The following CDYL2 variants were observed in gnomAD, a reference collection of about 807,000 sequenced individuals.
CDYL2 encodes the protein chromodomain Y-like protein 2.
CDYL2 carries 23 observed loss-of-function variants against 49.4 expected under a neutral mutation model. That is an observed-to-expected ratio of 0.47 (90% confidence interval 0.34 to 0.66). The LOEUF (loss-of-function observed/expected upper bound fraction) is 0.66. Among genes scored for constraint, CDYL2 ranks in the 30% least tolerant of loss-of-function variants. The pLI is 0.01. For synonymous variants in CDYL2, 360 were observed against 268.8 expected, an observed-to-expected ratio of 1.34 and a Z score of -3.32; for missense variants, 678 against 656.4, an observed-to-expected ratio of 1.03 and a Z score of -0.36.
At chr16:80,610,102 T>A (rs1906527200) in intron 5 of CDYL2, among the ~76,000 whole-genome samples, 1 of 152,144 alleles carries the variant, frequency 6.6e-6, no homozygotes, top group Non-Finnish European at 1.5e-5. Context: ...GTGATGTTAT[T>A]TTCAAAACAG....
chr16:80,706,312 G>A (rs1408203500), intron 1 of CDYL2, among the ~76,000 whole-genome samples: 2 of 152,152 alleles, frequency 1.3e-5, no homozygotes, highest in Non-Finnish European at 2.9e-5. Context: ...AAGAATGTGA[G>A]CTCAAAAACA....
At position 80,724,150 on chromosome 16, in the gene CDYL2, GAA is replaced by G. The variant is rs1298155068; in HGVS notation, c.25-39023_25-39022del. ...AAGAAAGAGGAGATAAAAAAGAAGA[GAA>G]AGAAGAAGAGGAGGAGGAGACAAAG... On this transcript the variant is annotated intron_variant, in intron 1 of 6. Transcript: ENST00000570137. 2.0e-5 allele frequency among the ~76,000 whole-genome samples: 3 copies of G among 149,678 alleles called. No homozygotes were observed. In the Admixed American group the frequency reaches 2.0e-4, roughly 10 times the overall value.
intron 1 of CDYL2, among the ~76,000 whole-genome samples, chr16:80,770,267 T>C (rs1906862367): frequency 6.6e-6 from 1 of 152,338 alleles, no homozygotes; most frequent in African/African-American, 2.4e-5. Flanking sequence ...TACCAAGTTA[T>C]GTTAATGAAA....
chr16:80,684,903 G>A lies in CDYL2; in HGVS notation c.251C>T (p.Pro84Leu), dbSNP rs376407812. ...TCTGTGGGACAGTTTCTCAACCGACGGGCCTCGACTGTCACGCAGCAGCTT... is the reference window on the plus strand; with the variant it reads ...TCTGTGGGACAGTTTCTCAACCGACAGGCCTCGACTGTCACGCAGCAGCTT... ...TSKLLRDSRG[P>L]SVEKLSHRPS... Residue 84 changes from proline to leucine, a missense_variant, in exon 2 of 7, where the codon CCG becomes CTG. This residue lies in a region of CDYL2 where 478 missense variants were observed against 427.0 expected (regional missense o/e 1.12). Transcript: ENST00000570137. The A allele has an allele frequency of 9.3e-6, 15 of 1,614,074 alleles. No individual in the cohort carries two copies. The highest frequency in any genetic ancestry group is 1.7e-5 in the Admixed American group (1 of 59,998).
At chr16:80,781,780 G>A (rs1238909564) in intron 1 of CDYL2, among the ~76,000 whole-genome samples, 1 of 151,912 alleles carries the variant, frequency 6.6e-6, no homozygotes, top group Non-Finnish European at 1.5e-5. Flanking sequence ...AAAATAAATG[G>A]CACTGTATTA....
chr16:80,798,682 T>C (rs1907838276), intron 1 of CDYL2, among the ~76,000 whole-genome samples: 1 of 152,124 alleles, frequency 6.6e-6, no homozygotes, highest in African/African-American at 2.4e-5. Flanking sequence ...TTCTGGGAAG[T>C]CAAAAGTTAT....
rs937172306 is a variant in CDYL2, at chr16:80,600,887, T to G, written c.*3501A>C. 3.3e-5 allele frequency: 5 copies of G among 152,222 alleles called. No homozygotes were observed. Among genetic ancestry groups the G allele is most frequent in the African/African-American group, 1.2e-4 (5 of 41,458 alleles). The allele number at this position is 152,222 out of a possible 1,614,324, so 9.4% of individuals were successfully genotyped here. A position where few individuals can be genotyped will look rare whatever the true frequency, so the allele number is the denominator to read the frequency against. ...AAATGTGGATATTCAGAGATACAGT[T>G]GCATTGTTCAAAGTCTACTGTGATT... On this transcript the variant is annotated 3_prime_UTR_variant, in exon 7 of 7. Transcript: ENST00000570137.
intron 1 of CDYL2, among the ~76,000 whole-genome samples, chr16:80,713,392 A>AT (rs1455606575): frequency 6.6e-6 from 1 of 152,186 alleles, no homozygotes; most frequent in Non-Finnish European, 1.5e-5. Flanking sequence ...GACTGGTAGC[A>AT]TTTTTTAGTT....
chr16:80,716,208 G>T (rs904774938), intron 1 of CDYL2, among the ~76,000 whole-genome samples: 5 of 152,200 alleles, frequency 3.3e-5, no homozygotes, highest in Non-Finnish European at 5.9e-5. Flanking sequence ...CCTCCTCTGT[G>T]GCTCCCCACA....
chr16:80,660,664 T>C (rs949974829), intron 2 of CDYL2, among the ~76,000 whole-genome samples: 1 of 152,154 alleles, frequency 6.6e-6, no homozygotes, highest in Non-Finnish European at 1.5e-5. Flanking sequence ...ATTAAACTCA[T>C]ATTAAAAGAC....
chr16:80,795,175 G>A (rs1428616346), intron 1 of CDYL2, among the ~76,000 whole-genome samples: 2 of 152,188 alleles, frequency 1.3e-5, no homozygotes, highest in African/African-American at 2.4e-5. Flanking sequence ...TTTGAGGGGA[G>A]GGCAGTGGCC....
chr16:80,700,933 G>A (rs530224904), intron 1 of CDYL2, among the ~76,000 whole-genome samples: 11 of 152,280 alleles, frequency 7.2e-5, no homozygotes, highest in African/African-American at 1.9e-4. Flanking sequence ...TTGTAACGCC[G>A]TGCAGCTAAG....
intron 2 of CDYL2, among the ~76,000 whole-genome samples, chr16:80,678,978 T>C (rs1165799904): frequency 1.3e-5 from 2 of 150,658 alleles, no homozygotes; most frequent in African/African-American, 4.9e-5. Flanking sequence ...TGGATGAAAC[T>C]GGAAATCATC....
At position 80,734,254 on chromosome 16, in the gene CDYL2, G is replaced by A. The variant is rs543176017; in HGVS notation, c.25-49125C>T. Among the ~76,000 whole-genome samples, 19 of 152,254 alleles carry A rather than the reference G, an allele frequency of 1.2e-4. No individual in the cohort carries two copies. The South Asian group carries it at 2.9e-3, about 23-fold the overall frequency. On this transcript the variant is annotated intron_variant, in intron 1 of 6. Coordinates refer to ENST00000570137, the MANE Select transcript of CDYL2 (RefSeq NM_152342.4). ...TGTTGCATATTCCTGGTTGGGGGCC[G>A]GGGAAAGGCAAGGAGATTTCAAGTT...
At chr16:80,678,059 T>C (rs889031641) in intron 2 of CDYL2, among the ~76,000 whole-genome samples, 80 of 152,148 alleles carry the variant, frequency 5.3e-4, no homozygotes, top group African/African-American at 1.9e-3. Context: ...GCTAGCCATA[T>C]GTAGAAAGCT....
chr16:80,699,525 C>CGTCT (rs75811566), intron 1 of CDYL2, among the ~76,000 whole-genome samples: 1 of 151,532 alleles, frequency 6.6e-6, no homozygotes, highest in Non-Finnish European at 1.5e-5. Context: ...ATAGCACGAA[C>CGTCT]AGAGGATAGG....
Position 80,711,141 on chromosome 16 carries a change from A to C in CDYL2, c.25-26012T>G, listed in dbSNP as rs528932851. Among the ~76,000 whole-genome samples, 3 of 152,350 alleles carry C rather than the reference A, an allele frequency of 2.0e-5. No individual in the cohort carries two copies. The South Asian group carries it at 6.2e-4, about 32-fold the overall frequency. On this transcript the variant is annotated intron_variant, in intron 1 of 6. Coordinates refer to ENST00000570137, the MANE Select transcript of CDYL2 (RefSeq NM_152342.4). ...GACTGGCAAACTGGACAGTGCTTGC[A>C]CGCAGGCTGTGTTATTGGGTGAAAA...
At chr16:80,605,677 T>C (rs1237670312) in intron 6 of CDYL2, among the ~76,000 whole-genome samples, 1 of 151,750 alleles carries the variant, frequency 6.6e-6, no homozygotes, top group Non-Finnish European at 1.5e-5. Context: ...ATAATCATAG[T>C]AGTGAGTAAA....
chr16:80,634,224 T>C (rs920157910), intron 2 of CDYL2, among the ~76,000 whole-genome samples: 1 of 152,286 alleles, frequency 6.6e-6, no homozygotes, highest in East Asian at 1.9e-4. Context: ...CTATTCACAA[T>C]AGCTCACACT....
Sources: allele counts gnomAD v4.1 joint callset (sites outside exome capture counted in the v4.1 genomes callset), GRCh38; gene constraint gnomAD v4.1.1; regional missense constraint gnomAD v4.1.1; transcripts MANE v1.5; gene names NCBI Gene and HGNC (gene_info 2026-07-23, HGNC 2026-07-21).